MXI1: variants seen among roughly 807,000 people sequenced by gnomAD.
The protein encoded by MXI1 is MAX interactor 1, dimerization protein, also known as max-interacting protein 1.
A neutral mutation model predicts 36.9 loss-of-function variants in MXI1; 18 were observed. The observed-to-expected ratio is 0.49, with a 90% CI of 0.34 to 0.72. The LOEUF (loss-of-function observed/expected upper bound fraction) is 0.72. Among genes scored for constraint, MXI1 ranks in the 30% least tolerant of loss-of-function variants. The pLI, the probability that MXI1 is intolerant of heterozygous loss-of-function variation, is 0.01. For missense variants in MXI1, 304 were observed against 379.1 expected (o/e 0.80, Z 1.64); for synonymous variants, 160 against 146.7 (o/e 1.09, Z -0.65).
intron 1 of MXI1, among the ~76,000 whole-genome samples, chr10:110,209,850 G>C (rs1480677566): frequency 6.6e-6 from 1 of 152,122 alleles, no homozygotes; most frequent in Non-Finnish European, 1.5e-5. Flanking sequence ...CTGTCCCGTG[G>C]CGTTGGCTCT....
chr10:110,257,648 T>C (rs1400951589), intron 3 of MXI1: 1 of 162,012 alleles, frequency 6.2e-6, no homozygotes, highest in East Asian at 1.8e-4. Context: ...GTATTGAGCA[T>C]ATTTTTTAAG....
intron 3 of MXI1, among the ~76,000 whole-genome samples, chr10:110,256,074 A>C (rs1379822616): frequency 6.6e-6 from 1 of 152,216 alleles, no homozygotes; most frequent in Non-Finnish European, 1.5e-5. Context: ...TATTTTCAAC[A>C]AATAGAGCGG....
chr10:110,236,700 G>T (rs1855492010), intron 2 of MXI1, among the ~76,000 whole-genome samples: 1 of 152,100 alleles, frequency 6.6e-6, no homozygotes, highest in South Asian at 2.1e-4. Context: ...GGCTCATGCA[G>T]TCCTGCCACC....
At chr10:110,228,616 G>A (rs1403114752) in intron 2 of MXI1, among the ~76,000 whole-genome samples, 12 of 152,122 alleles carry the variant, frequency 7.9e-5, no homozygotes, top group Admixed American at 5.2e-4. Flanking sequence ...AAAAGTAATC[G>A]TGGGCTGGCT....
At chr10:110,271,091 C>CAAAA (rs10683812) in intron 3 of MXI1, among the ~76,000 whole-genome samples, 1 of 130,392 alleles carries the variant, frequency 7.7e-6, no homozygotes, top group Non-Finnish European at 1.7e-5. Flanking sequence ...AACTACGTCT[C>CAAAA]AAAAAAAAAA....
At chr10:110,210,237 C>T in intron 1 of MXI1, 12 of 985,108 alleles carry the variant, frequency 1.2e-5, no homozygotes, top group Middle Eastern at 5.2e-4. Context: ...AGCCCATCGC[C>T]CGAGGCGTCC....
At chr10:110,278,725 T>C (rs7099611) in intron 3 of MXI1, among the ~76,000 whole-genome samples, 11,174 of 92,482 alleles carry the variant, frequency 0.12, 719 homozygotes, top group South Asian at 0.2. Flanking sequence ...TGTGTGTGTG[T>C]GTGCCCACAC....
chr10:110,264,937 T>A (rs1375109726), intron 3 of MXI1, among the ~76,000 whole-genome samples: 1 of 150,936 alleles, frequency 6.6e-6, no homozygotes, highest in East Asian at 1.9e-4. Context: ...TGTTAAAAAT[T>A]TTTTTTTTTT....
chr10:110,277,519 A>G (rs1459598779), intron 3 of MXI1, among the ~76,000 whole-genome samples: 1 of 152,222 alleles, frequency 6.6e-6, no homozygotes, highest in African/African-American at 2.4e-5. Context: ...GAAATTTTCC[A>G]GTTAAAAATG....
At chr10:110,239,996 A>G (rs891290595) in intron 2 of MXI1, among the ~76,000 whole-genome samples, 3 of 151,182 alleles carry the variant, frequency 2.0e-5, no homozygotes, top group Non-Finnish European at 4.4e-5. Context: ...TTTGAACTTT[A>G]TGTGAATGGA....
At chr10:110,261,068 C>T (rs1856493950) in intron 3 of MXI1, 3 of 984,904 alleles carry the variant, frequency 3.0e-6, no homozygotes, top group Non-Finnish European at 3.6e-6. Context: ...GCACACTGCT[C>T]TTACACAAAA....
intron 3 of MXI1, among the ~76,000 whole-genome samples, chr10:110,253,290 A>G (rs1856165831): frequency 6.6e-6 from 1 of 151,758 alleles, no homozygotes; most frequent in Non-Finnish European, 1.5e-5. Flanking sequence ...TCGTGTCCCC[A>G]TTTTACATGG....
At chr10:110,271,201 T>C (rs74533875) in intron 3 of MXI1, among the ~76,000 whole-genome samples, 8,039 of 152,164 alleles carry the variant, frequency 0.053, 327 homozygotes, top group Middle Eastern at 0.15. Context: ...TTGCTGGTGA[T>C]TTCAGCTGCA....
intron 4 of MXI1, 109 bp from the exon 5 acceptor site, chr10:110,279,805 A>T: frequency 1.5e-6 from 1 of 667,762 alleles, no homozygotes; most frequent in Non-Finnish European, 2.3e-6. Context: ...ATATTTTTAT[A>T]CACACTCACA....
chr10:110,274,614 T>TA (rs1856967076), intron 3 of MXI1, among the ~76,000 whole-genome samples: 1 of 152,234 alleles, frequency 6.6e-6, no homozygotes, highest in South Asian at 2.1e-4. Flanking sequence ...GCTAAATTTT[T>TA]AAAAATCAGT....
chr10:110,212,737 G>A (rs1018657540), intron 1 of MXI1, among the ~76,000 whole-genome samples: 4 of 152,108 alleles, frequency 2.6e-5, no homozygotes, highest in African/African-American at 9.7e-5. Context: ...TCATATCATT[G>A]TCAAACAACT....
intron 1 of MXI1, chr10:110,225,874 C>T: frequency 2.2e-6 from 1 of 452,994 alleles, no homozygotes; most frequent in Non-Finnish European, 2.9e-6. Flanking sequence ...GGCGTGTGCA[C>T]TACGATTCCC....
intron 2 of MXI1, among the ~76,000 whole-genome samples, chr10:110,244,323 A>G (rs1470255397): frequency 6.6e-6 from 1 of 151,982 alleles, no homozygotes; most frequent in East Asian, 1.9e-4. Context: ...GTTTCACAAA[A>G]TAAGGTGGGA....
At chr10:110,234,533 T>G (rs573258913) in intron 2 of MXI1, among the ~76,000 whole-genome samples, 1 of 152,214 alleles carries the variant, frequency 6.6e-6, no homozygotes, top group Non-Finnish European at 1.5e-5. Context: ...TATACTCAGC[T>G]CCTCCCCATA....
Sources: allele counts gnomAD v4.1 joint callset (sites outside exome capture counted in the v4.1 genomes callset), GRCh38; gene constraint gnomAD v4.1.1; transcripts MANE v1.5; gene names NCBI Gene and HGNC (gene_info 2026-07-23, HGNC 2026-07-21).